MYO1B: variants seen among roughly 807,000 people sequenced by gnomAD.
The protein encoded by MYO1B is unconventional myosin-Ib.
A neutral mutation model predicts 159.7 loss-of-function variants in MYO1B; 72 were observed. That is an observed-to-expected ratio of 0.45 (90% CI 0.37 to 0.55). The LOEUF (loss-of-function observed/expected upper bound fraction) is 0.55, where lower values mean the gene tolerates loss of function less well. MYO1B is among the 20% of genes least tolerant of loss of function. The pLI is 0.00. For missense variants in MYO1B, 1,062 were observed against 1,364.8 expected (o/e 0.78, Z 3.50); for synonymous variants, 468 against 473.8 (o/e 0.99, Z 0.16).
intron 30 of MYO1B, among the ~76,000 whole-genome samples, chr2:191,422,710 G>C (rs1213182439): frequency 6.6e-6 from 1 of 152,172 alleles, no homozygotes; most frequent in Non-Finnish European, 1.5e-5. Flanking sequence ...AACTATGTAG[G>C]ACATATGTGA....
chr2:191,296,256 T>A (rs1386344636), intron 3 of MYO1B, 30 bp downstream of exon 3: 1 of 1,361,402 alleles, frequency 7.3e-7, no homozygotes, highest in African/African-American at 1.4e-5. Flanking sequence ...ATTAAGTTTC[T>A]CTTTTACTCC....
intron 7 of MYO1B, among the ~76,000 whole-genome samples, chr2:191,354,280 T>TAAC: frequency 6.7e-6 from 1 of 148,590 alleles, no homozygotes; most frequent in Admixed American, 6.7e-5. Flanking sequence ...ATAATAATAA[T>TAAC]AATAATAATA....
At chr2:191,391,129 G>C (rs964231555) in intron 18 of MYO1B, among the ~76,000 whole-genome samples, 1 of 152,202 alleles carries the variant, frequency 6.6e-6, no homozygotes, top group African/African-American at 2.4e-5. Flanking sequence ...GTGTACTGAC[G>C]GGCGGCTGTT....
intron 3 of MYO1B, among the ~76,000 whole-genome samples, chr2:191,321,758 A>G (rs913371148): frequency 6.6e-6 from 1 of 152,102 alleles, no homozygotes; most frequent in African/African-American, 2.4e-5. Flanking sequence ...CCTTTTCTGA[A>G]TATCTTTAGG....
At position 191,315,673 on chromosome 2, in the gene MYO1B, T is replaced by A. The variant is rs188272618; in HGVS notation, c.252-14262T>A. Among the ~76,000 whole-genome samples, 52 of 152,352 alleles carry A rather than the reference T, an allele frequency of 3.4e-4. No individual in the cohort carries two copies. The East Asian group carries it at 8.1e-3, about 24-fold the overall frequency. On this transcript the variant is annotated intron_variant, in intron 3 of 30. Transcript: ENST00000392318. ...TTAGATTTCAAAGAGATTTCTCCTG[T>A]GAGACTGACTATGTGAAGGGTGTCA...
intron 25 of MYO1B, 120 bp downstream of exon 25, chr2:191,408,309 A>T (rs1243450447): frequency 1.6e-6 from 1 of 643,412 alleles, no homozygotes; most frequent in Non-Finnish European, 2.7e-6. Flanking sequence ...AATAATAATT[A>T]AATCATAGCT....
At chr2:191,327,442 T>C (rs1423198636) in intron 3 of MYO1B, among the ~76,000 whole-genome samples, 2 of 152,256 alleles carry the variant, frequency 1.3e-5, no homozygotes, top group Admixed American at 1.3e-4. Context: ...GTATGCACTT[T>C]TATTTGATCT....
Position 191,414,197 on chromosome 2 carries a change from T to G in MYO1B, c.3006+17T>G, listed in dbSNP as rs562960943. 7.5e-6 allele frequency: 12 copies of G among 1,604,696 alleles called. No homozygotes were observed. The South Asian group carries it at 1.1e-4, about 15-fold the overall frequency. On this transcript the variant is annotated intron_variant, in intron 28 of 30. Transcript: ENST00000392318. Reference sequence around the variant, plus strand: ...AATGGGAAGGTAAAAATGCTAACCTTGAAGACTGATAAGAAGTACCTATTA... The same window carrying G: ...AATGGGAAGGTAAAAATGCTAACCTGGAAGACTGATAAGAAGTACCTATTA...
intron 4 of MYO1B, among the ~76,000 whole-genome samples, chr2:191,333,948 T>C (rs1169358117): frequency 1.3e-5 from 2 of 152,194 alleles, no homozygotes; most frequent in African/African-American, 4.8e-5. Flanking sequence ...TGATGCTGTA[T>C]CTACGCCCAC....
At position 191,364,295 on chromosome 2, in the gene MYO1B, A is replaced by G; in HGVS notation, c.1032+19A>G. ...GGCTCAGGTGGGTGAAACATAATGT[A>G]CAGACGAAAGTTTCTTAAAAGTCTG... On this transcript the variant is annotated intron_variant, in intron 11 of 30. Transcript: ENST00000392318. 6.4e-7 allele frequency: 1 copy of G among 1,572,334 alleles called. No individual in the cohort carries two copies. The highest frequency in any genetic ancestry group is 8.7e-7 in the Non-Finnish European group (1 of 1,144,012).
At chr2:191,262,400 C>G (rs1002804357) in intron 1 of MYO1B, among the ~76,000 whole-genome samples, 2 of 152,166 alleles carry the variant, frequency 1.3e-5, no homozygotes, top group Non-Finnish European at 2.9e-5. Context: ...TTCAGACTGC[C>G]CATCCTCTGC....
chr2:191,310,208 A>G (rs1208323987), intron 3 of MYO1B, among the ~76,000 whole-genome samples: 1 of 152,008 alleles, frequency 6.6e-6, no homozygotes, highest in Non-Finnish European at 1.5e-5. Flanking sequence ...CTTGAAGAAG[A>G]ATTTTTTTTT....
chr2:191,307,692 T>G (rs1332167310), intron 3 of MYO1B, among the ~76,000 whole-genome samples: 1 of 152,172 alleles, frequency 6.6e-6, no homozygotes, highest in Non-Finnish European at 1.5e-5. Flanking sequence ...CAGCCATGAA[T>G]GGGGTACCCT....
At chr2:191,307,659 C>T (rs1201411237) in intron 3 of MYO1B, among the ~76,000 whole-genome samples, 1 of 152,158 alleles carries the variant, frequency 6.6e-6, no homozygotes, top group African/African-American at 2.4e-5. Context: ...CTTAGTCCTA[C>T]AAGAGTGCCC....
At chr2:191,354,015 T>A (rs1444547821) in intron 7 of MYO1B, among the ~76,000 whole-genome samples, 1 of 152,136 alleles carries the variant, frequency 6.6e-6, no homozygotes, top group African/African-American at 2.4e-5. Context: ...CGCAGCACTT[T>A]GGGAGGCCGA....
At chr2:191,423,001 T>A (rs1698038528) in intron 30 of MYO1B, among the ~76,000 whole-genome samples, 1 of 152,242 alleles carries the variant, frequency 6.6e-6, no homozygotes. Flanking sequence ...ATTGATACAA[T>A]TCTGTGTAAG....
chr2:191,352,912 C>T lies in MYO1B; in HGVS notation c.562+2687C>T, dbSNP rs567933771. 2.6e-5 allele frequency among the ~76,000 whole-genome samples: 4 copies of T among 152,204 alleles called. No homozygotes were observed. The East Asian group carries it at 7.7e-4, about 29-fold the overall frequency. On this transcript the variant is annotated intron_variant, in intron 7 of 30. Coordinates refer to ENST00000392318, the MANE Select transcript of MYO1B (RefSeq NM_001130158.3). The stretch of plus-strand genomic sequence containing the variant: ...AGCGTAGAAAAGAAGACAAAATTTG[C>T]CATTTTGTAGGAAGTATATTTTGCC...
At chr2:191,394,385 T>C (rs2126110776) in intron 20 of MYO1B, among the ~76,000 whole-genome samples, 1 of 152,290 alleles carries the variant, frequency 6.6e-6, no homozygotes, top group East Asian at 1.9e-4. Context: ...GACCAAAAAG[T>C]CCTCAAGGAG....
At chr2:191,420,691 C>T (rs1196865414) in intron 30 of MYO1B, among the ~76,000 whole-genome samples, 1 of 152,100 alleles carries the variant, frequency 6.6e-6, no homozygotes, top group African/African-American at 2.4e-5. Flanking sequence ...AGAGTAAAAA[C>T]TAAAGTGAAT....
Sources: allele counts gnomAD v4.1 joint callset (sites outside exome capture counted in the v4.1 genomes callset), GRCh38; gene constraint gnomAD v4.1.1; transcripts MANE v1.5; gene names NCBI Gene and HGNC (gene_info 2026-07-23, HGNC 2026-07-21).